SLC3A1: variants seen among roughly 807,000 people sequenced by gnomAD.
The protein encoded by SLC3A1 is solute carrier family 3 member 1, also known as amino acid transporter heavy chain SLC3A1.
In SLC3A1, 78 loss-of-function variants were observed where a neutral mutation model predicts 60.3. The observed-to-expected ratio is 1.29, with a 90% CI of 1.08 to 1.56. SLC3A1 has a LOEUF of 1.56. SLC3A1 is among the 40% of genes most tolerant of loss of function. The pLI is 0.00. For missense variants in SLC3A1, 1,172 were observed against 858.9 expected, an observed-to-expected ratio of 1.36 and a Z score of -4.56; for synonymous variants, 392 against 307.9, an observed-to-expected ratio of 1.27 and a Z score of -2.86.
intron 7 of SLC3A1, among the ~76,000 whole-genome samples, chr2:44,310,231 CA>C (rs1454009226): frequency 3.9e-5 from 6 of 152,130 alleles, no homozygotes; most frequent in African/African-American, 1.4e-4. Context: ...GAGGAACTAC[CA>C]AACTGTTTTC....
At chr2:44,303,226 C>T (rs1672062480) in intron 6 of SLC3A1, among the ~76,000 whole-genome samples, 1 of 146,970 alleles carries the variant, frequency 6.8e-6, no homozygotes, top group African/African-American at 2.5e-5. Context: ...AAAAAACAAC[C>T]AATATAGACT....
rs1253823102 is a variant in SLC3A1, at chr2:44,275,560, G to C, written c.25G>C (p.Asp9His). MAEDKSKR[D>H]SIEMSMKGCQ... ...CATGGCTGAAGATAAAAGCAAGAGA[G>C]ACTCCATCGAGATGAGTATGAAGGG... The change falls in exon 1 of 10, where the codon GAC becomes CAC. Residue 9 changes from aspartate (D) to histidine (H), a missense_variant. Coordinates refer to ENST00000260649, the MANE Select transcript of SLC3A1 (RefSeq NM_000341.4). 1 of 1,614,170 alleles carries C rather than the reference G, an allele frequency of 6.2e-7. No homozygotes were observed. Among genetic ancestry groups the C allele is most frequent in the Admixed American group, 1.7e-5 (1 of 60,004 alleles).
intron 3 of SLC3A1, chr2:44,284,960 TC>T (rs1477952788): frequency 6.6e-6 from 1 of 152,220 alleles, no homozygotes; most frequent in Non-Finnish European, 1.5e-5. Flanking sequence ...ATTATCTAAT[TC>T]CTAATGATGT....
At chr2:44,296,917 G>A (rs1321980849) in intron 4 of SLC3A1, among the ~76,000 whole-genome samples, 5 of 152,164 alleles carry the variant, frequency 3.3e-5, no homozygotes, top group Admixed American at 6.5e-5. Flanking sequence ...TCTCTCGCCT[G>A]CTGTCATGTA....
At chr2:44,310,805 G>GTT (rs533721855) in intron 7 of SLC3A1, among the ~76,000 whole-genome samples, 13 of 145,896 alleles carry the variant, frequency 8.9e-5, no homozygotes, top group East Asian at 2.0e-4. Flanking sequence ...TGAGAGTCTG[G>GTT]TTTTTTTTTT....
intron 7 of SLC3A1, among the ~76,000 whole-genome samples, chr2:44,305,697 G>C (rs905109890): frequency 1.3e-5 from 2 of 152,004 alleles, no homozygotes; most frequent in Non-Finnish European, 2.9e-5. Context: ...CAAAAGTGCT[G>C]GGATTATGGG....
intron 7 of SLC3A1, among the ~76,000 whole-genome samples, chr2:44,304,784 C>T (rs994762834): frequency 6.6e-6 from 1 of 151,054 alleles, no homozygotes; most frequent in African/African-American, 2.4e-5. Context: ...AAGAATTTCT[C>T]CCCCTTCTGT....
intron 2 of SLC3A1, among the ~76,000 whole-genome samples, chr2:44,281,109 T>C (rs1572790250): frequency 6.8e-6 from 1 of 147,758 alleles, no homozygotes; most frequent in Admixed American, 6.8e-5. Context: ...TCCTTTTTCC[T>C]TCCCTATCTC....
intron 1 of SLC3A1, among the ~76,000 whole-genome samples, chr2:44,278,042 T>A (rs1013693126): frequency 6.6e-6 from 1 of 152,150 alleles, no homozygotes; most frequent in African/African-American, 2.4e-5. Context: ...TCATAAGATA[T>A]ATTTTGTTGC....
chr2:44,320,878 C>T lies in SLC3A1; in HGVS notation c.*239C>T. On this transcript the variant is annotated 3_prime_UTR_variant, in exon 10 of 10. Coordinates refer to ENST00000260649, the MANE Select transcript of SLC3A1 (RefSeq NM_000341.4). ...TTCAGATAGCATCAATCAGGGATGA[C>T]CAGAACACATTAGGACCCCAGATTA... 1.9e-6 allele frequency: 1 copy of T among 537,588 alleles called. No individual in the cohort carries two copies. Among genetic ancestry groups the T allele is most frequent in the Non-Finnish European group, 3.3e-6 (1 of 300,498 alleles). The allele number at this position is 537,588 out of a possible 1,614,324, so 33.3% of individuals were successfully genotyped here.
At chr2:44,296,068 C>T (rs1671839866) in intron 4 of SLC3A1, among the ~76,000 whole-genome samples, 1 of 152,150 alleles carries the variant, frequency 6.6e-6, no homozygotes, top group Non-Finnish European at 1.5e-5. Context: ...TGGTTAGCTT[C>T]ATAGTAAGGT....
intron 3 of SLC3A1, among the ~76,000 whole-genome samples, chr2:44,283,545 T>C (rs1671546890): frequency 6.6e-6 from 1 of 152,216 alleles, no homozygotes; most frequent in African/African-American, 2.4e-5. Context: ...GGGCTAAAGA[T>C]GGGATCTAGT....
chr2:44,296,351 T>C (rs1220721390), intron 4 of SLC3A1, among the ~76,000 whole-genome samples: 2 of 152,250 alleles, frequency 1.3e-5, no homozygotes, highest in Admixed American at 6.5e-5. Context: ...TGTATTTTTC[T>C]TGTGGTTGTA....
chr2:44,307,792 C>T (rs1389288036), intron 7 of SLC3A1, among the ~76,000 whole-genome samples: 1 of 152,036 alleles, frequency 6.6e-6, no homozygotes, highest in African/African-American at 2.4e-5. Context: ...ATGTCACTTT[C>T]TTGATAGTGT....
At chr2:44,276,044 A>T (rs1572786355) in intron 1 of SLC3A1, 79 bp downstream of exon 1, 2 of 1,307,808 alleles carry the variant, frequency 1.5e-6, no homozygotes, top group Non-Finnish European at 2.2e-6. Context: ...GAACCAAATT[A>T]TGCCTGGGTT....
rs771849667 is a variant in SLC3A1, at chr2:44,320,305, A to T, written c.1724A>T (p.Asn575Ile). 32 of 1,613,996 alleles carry T rather than the reference A, an allele frequency of 2.0e-5. No individual in the cohort carries two copies. The highest frequency in any genetic ancestry group is 2.7e-5 in the Non-Finnish European group (32 of 1,179,968). ...AGGGGCTGGTTTTGCCATTTGAGGAATGACAGCCACTATGTTGTGTACACA... is the reference window on the plus strand; with the variant it reads ...AGGGGCTGGTTTTGCCATTTGAGGATTGACAGCCACTATGTTGTGTACACA... ...LNRGWFCHLR[N>I]DSHYVVYTRE... Residue 575 changes from asparagine (N) to isoleucine (I), a missense_variant, in exon 10 of 10, where the codon AAT becomes ATT. Physicochemically the swap from Asn to Ile is moderately radical, Grantham distance 149. Coordinates refer to ENST00000260649, the MANE Select transcript of SLC3A1 (RefSeq NM_000341.4).
intron 7 of SLC3A1, among the ~76,000 whole-genome samples, chr2:44,307,270 G>C (rs759052393): frequency 1.3e-5 from 2 of 152,090 alleles, no homozygotes; most frequent in Non-Finnish European, 2.9e-5. Context: ...TTCACTTTTG[G>C]ACTATTACGA....
intron 9 of SLC3A1, 35 bp from the exon 10 acceptor site, chr2:44,320,164 C>T (rs1273360780): frequency 6.6e-7 from 1 of 1,519,456 alleles, no homozygotes; most frequent in Non-Finnish European, 9.1e-7. Flanking sequence ...TTCTTAGAAT[C>T]AAACACTTAC....
At chr2:44,290,835 G>A (rs1045112531) in intron 4 of SLC3A1, among the ~76,000 whole-genome samples, 2 of 151,926 alleles carry the variant, frequency 1.3e-5, no homozygotes, top group Admixed American at 1.3e-4. Context: ...TTGTAGACAT[G>A]GTCAGCAGAC....
Sources: allele counts gnomAD v4.1 joint callset (sites outside exome capture counted in the v4.1 genomes callset), GRCh38; gene constraint gnomAD v4.1.1; transcripts MANE v1.5; gene names NCBI Gene and HGNC (gene_info 2026-07-23, HGNC 2026-07-21).